CADPS2: variants seen among roughly 807,000 people sequenced by gnomAD.
CADPS2 encodes calcium-dependent secretion activator 2.
CADPS2 carries 93 observed loss-of-function variants against 172.5 expected under a neutral mutation model. The ratio of observed to expected loss-of-function variants is 0.54; its 90% CI spans 0.46 to 0.64. The LOEUF is 0.64. Among genes scored for constraint, CADPS2 ranks in the 30% least tolerant of loss-of-function variants. CADPS2 has a pLI of 0.00. For synonymous variants in CADPS2, 546 were observed against 555.2 expected, an observed-to-expected ratio of 0.98 and a Z score of 0.23; for missense variants, 1,420 against 1,565.9, an observed-to-expected ratio of 0.91 and a Z score of 1.57.
At chr7:122,365,705 A>G (rs975777683) in intron 25 of CADPS2, among the ~76,000 whole-genome samples, 3 of 152,184 alleles carry the variant, frequency 2.0e-5, no homozygotes, top group African/African-American at 7.2e-5. Flanking sequence ...TACTGATGCC[A>G]TTAACTGGGC....
chr7:122,477,053 AGAGAGAGAGAG>A (rs2056763231), intron 12 of CADPS2, among the ~76,000 whole-genome samples: 1 of 24,242 alleles, frequency 4.1e-5, no homozygotes, highest in Non-Finnish European at 7.6e-5. Context: ...GAGAGAGAGA[AGAGAGAGAGAG>A]AGAGAGAGAG....
At chr7:122,411,543 T>A (rs1371365759) in intron 19 of CADPS2, among the ~76,000 whole-genome samples, 1 of 152,080 alleles carries the variant, frequency 6.6e-6, no homozygotes, top group Non-Finnish European at 1.5e-5. Flanking sequence ...CCTCAAAATA[T>A]AATAAAAATT....
At chr7:122,839,990 T>C (rs1282683952) in intron 1 of CADPS2, among the ~76,000 whole-genome samples, 2 of 152,212 alleles carry the variant, frequency 1.3e-5, no homozygotes, top group East Asian at 1.9e-4. Context: ...CATATGTTTA[T>C]TGCGGCACTA....
chr7:122,380,361 A>G (rs2042847637), intron 24 of CADPS2, among the ~76,000 whole-genome samples: 1 of 152,160 alleles, frequency 6.6e-6, no homozygotes, highest in Non-Finnish European at 1.5e-5. Flanking sequence ...GCTTCTTGGA[A>G]CAGCTAACAA....
chr7:122,540,343 T>C (rs1460231746), intron 8 of CADPS2, among the ~76,000 whole-genome samples: 1 of 152,070 alleles, frequency 6.6e-6, no homozygotes, highest in Non-Finnish European at 1.5e-5. Context: ...AGTTTTAAAA[T>C]ACTGTGAATT....
chr7:122,444,134 TG>T (rs1449627553), intron 15 of CADPS2, among the ~76,000 whole-genome samples: 1 of 152,188 alleles, frequency 6.6e-6, no homozygotes, highest in African/African-American at 2.4e-5. Context: ...TCATTCATGC[TG>T]TTGTATATAT....
intron 3 of CADPS2, among the ~76,000 whole-genome samples, chr7:122,656,551 A>T (rs550118550): frequency 1.2e-3 from 180 of 152,190 alleles, no homozygotes; most frequent in Non-Finnish European, 2.3e-3. Context: ...AGGGACAGAA[A>T]CACTTATGAA....
chr7:122,877,666 T>C (rs1350985448), intron 1 of CADPS2, among the ~76,000 whole-genome samples: 1 of 152,118 alleles, frequency 6.6e-6, no homozygotes, highest in Non-Finnish European at 1.5e-5. Context: ...ATCTATATGA[T>C]GAAACCTTCA....
intron 2 of CADPS2, among the ~76,000 whole-genome samples, chr7:122,720,085 C>G (rs749229179): frequency 3.3e-5 from 5 of 152,052 alleles, no homozygotes; most frequent in African/African-American, 4.8e-5. Flanking sequence ...ATTTCAATAC[C>G]AAATAATCAG....
At chr7:122,566,666 T>C (rs974069946) in intron 7 of CADPS2, among the ~76,000 whole-genome samples, 2 of 152,154 alleles carry the variant, frequency 1.3e-5, no homozygotes, top group African/African-American at 2.4e-5. Flanking sequence ...CTATTTCAGG[T>C]AGAAGACTAA....
chr7:122,601,646 C>T (rs1402754227), intron 6 of CADPS2, among the ~76,000 whole-genome samples: 1 of 151,856 alleles, frequency 6.6e-6, no homozygotes, highest in East Asian at 1.9e-4. Flanking sequence ...AGCAATGTTT[C>T]TAGAGCCTGT....
In CADPS2 at chr7:122,523,665, C is replaced by T. The variant is rs1381748731; in HGVS notation, c.1476-10350G>A. Among the ~76,000 whole-genome samples, 9 of 152,170 alleles carry T rather than the reference C, an allele frequency of 5.9e-5. No individual in the cohort carries two copies. In the East Asian group the frequency reaches 1.7e-3, roughly 29 times the overall value. On this transcript the variant is annotated intron_variant, in intron 8 of 29. Coordinates refer to ENST00000449022, the MANE Select transcript of CADPS2 (RefSeq NM_017954.11). ...GCTAAATGAAGTTAATTAATATATG[C>T]ATTACCTCAATATATTCTACCACAG...
chr7:122,572,352 T>A (rs1483676990), intron 7 of CADPS2, among the ~76,000 whole-genome samples: 1 of 152,182 alleles, frequency 6.6e-6, no homozygotes, highest in East Asian at 1.9e-4. Context: ...CATGAGACTT[T>A]ATAGTTTTAT....
chr7:122,677,663 T>A (rs757517269), intron 2 of CADPS2, among the ~76,000 whole-genome samples: 1 of 151,850 alleles, frequency 6.6e-6, no homozygotes, highest in Admixed American at 6.6e-5. Context: ...ACAACAACAA[T>A]AAAAACCCAA....
intron 6 of CADPS2, among the ~76,000 whole-genome samples, chr7:122,601,479 CT>C (rs2072770164): frequency 6.6e-6 from 1 of 151,880 alleles, no homozygotes. Flanking sequence ...TTGACTAATT[CT>C]TCATTTTTAT....
chr7:122,645,246 CATGT>C (rs1563946057), intron 3 of CADPS2, among the ~76,000 whole-genome samples: 4 of 139,556 alleles, frequency 2.9e-5, no homozygotes, highest in South Asian at 2.2e-4. Flanking sequence ...TATATACACA[CATGT>C]ACATGTGTGT....
At chr7:122,437,590 T>C in intron 17 of CADPS2, among the ~76,000 whole-genome samples, 1 of 151,242 alleles carries the variant, frequency 6.6e-6, no homozygotes, top group South Asian at 2.1e-4. Flanking sequence ...CTGCATTTTT[T>C]CCCTCTATTA....
intron 2 of CADPS2, among the ~76,000 whole-genome samples, chr7:122,692,586 C>T (rs947661141): frequency 2.0e-5 from 3 of 152,194 alleles, no homozygotes; most frequent in Non-Finnish European, 2.9e-5. Context: ...GGTACCACAG[C>T]CCATGCTGCG....
At chr7:122,373,765 T>A (rs1175161968) in intron 25 of CADPS2, among the ~76,000 whole-genome samples, 2 of 152,024 alleles carry the variant, frequency 1.3e-5, no homozygotes, top group African/African-American at 4.8e-5. Context: ...AACAAAGAAA[T>A]GGCTTCAAAA....
Sources: allele counts gnomAD v4.1 joint callset (sites outside exome capture counted in the v4.1 genomes callset), GRCh38; gene constraint gnomAD v4.1.1; transcripts MANE v1.5; gene names NCBI Gene and HGNC (gene_info 2026-07-23, HGNC 2026-07-21).